HIP1: variants seen among roughly 807,000 people sequenced by gnomAD.
HIP1 encodes huntingtin interacting protein 1.
Under a neutral mutation model 147.6 loss-of-function variants are expected in HIP1, and 65 were observed. That is an observed-to-expected ratio of 0.44 (90% CI 0.36 to 0.54). The LOEUF (loss-of-function observed/expected upper bound fraction) is 0.54. Ranked by LOEUF, HIP1 falls within the 20% of genes least tolerant of loss-of-function variation. The pLI, the probability that HIP1 is intolerant of heterozygous loss-of-function variation, is 0.00. For missense variants in HIP1, 1,061 were observed against 1,299.6 expected, an observed-to-expected ratio of 0.82 and a Z score of 2.82; for synonymous variants, 479 against 504.0, an observed-to-expected ratio of 0.95 and a Z score of 0.67.
intron 1 of HIP1, among the ~76,000 whole-genome samples, chr7:75,644,153 A>G (rs1461049996): frequency 1.3e-5 from 2 of 152,174 alleles, no homozygotes; most frequent in African/African-American, 4.8e-5. Flanking sequence ...CCTTACCTGA[A>G]AAACAGGCTA....
chr7:75,730,054 G>A (rs1554522821), intron 1 of HIP1, among the ~76,000 whole-genome samples: 2 of 152,126 alleles, frequency 1.3e-5, no homozygotes, highest in Non-Finnish European at 2.9e-5. Flanking sequence ...CCATGGGGCC[G>A]CCCGAGGGGG....
chr7:75,637,536 ATTTTTTTTTTTT>A (rs869251770), intron 1 of HIP1, among the ~76,000 whole-genome samples: 2 of 70,868 alleles, frequency 2.8e-5, no homozygotes, highest in East Asian at 5.2e-4. Flanking sequence ...TGCAGAGAGG[ATTTTTTTTTTTT>A]TTTTTTTTTT....
At chr7:75,542,478 C>T (rs1794363958) in intron 28 of HIP1, among the ~76,000 whole-genome samples, 2 of 151,412 alleles carry the variant, frequency 1.3e-5, no homozygotes, top group Non-Finnish European at 2.9e-5. Flanking sequence ...GTGGGCAGAT[C>T]ACCTGAGGTG....
intron 7 of HIP1, among the ~76,000 whole-genome samples, chr7:75,574,259 C>G (rs1296127082): frequency 6.6e-6 from 1 of 150,900 alleles, no homozygotes; most frequent in African/African-American, 2.4e-5. Flanking sequence ...TGCTATTGCA[C>G]TCCAGCAACA....
rs782346773 is a variant in HIP1 at position 75,627,808 on chromosome 7, G to A, written c.121-28561C>T. Among the ~76,000 whole-genome samples the A allele has an allele frequency of 1.6e-3, 245 of 152,152 alleles. 6 individuals are homozygous for A. Among genetic ancestry groups the A allele is most frequent in the Non-Finnish European group, 4.3e-4 (29 of 68,032 alleles). On this transcript the variant is annotated intron_variant, in intron 1 of 30. Coordinates refer to ENST00000336926, the MANE Select transcript of HIP1 (RefSeq NM_005338.7). The stretch of plus-strand genomic sequence containing the variant: ...GTGCTCTGTAGACCCTCTGGCTGAC[G>A]GCTGGATCCACAGTTGAGTAGACCT...
In HIP1 at chr7:75,536,463, G is replaced by C. The variant is rs189627441; in HGVS notation, c.*1709C>G. 3.0e-5 allele frequency: 7 copies of C among 229,962 alleles called. No homozygotes were observed. The highest frequency in any genetic ancestry group is 1.1e-4 in the Admixed American group (2 of 17,638). The allele number at this position is 229,962 out of a possible 1,614,324, so 14.2% of individuals were successfully genotyped here. A position where few individuals can be genotyped will look rare whatever the true frequency, so the allele number is the denominator to read the frequency against. On this transcript the variant is annotated 3_prime_UTR_variant, in exon 31 of 31. Transcript: ENST00000336926. ...TTGGAGCAGATCCTGGGAAGTGCTT[G>C]ATGGCTACCACCAATGAGTTGCTAT... is the stretch of plus-strand genomic sequence containing the variant.
At chr7:75,729,178 A>C (rs1202968073) in intron 1 of HIP1, among the ~76,000 whole-genome samples, 1 of 140,004 alleles carries the variant, frequency 7.1e-6, no homozygotes, top group Admixed American at 7.2e-5. Flanking sequence ...AAAAAAAAAG[A>C]AGAAGCATTG....
intron 19 of HIP1, among the ~76,000 whole-genome samples, chr7:75,555,138 G>C (rs1280143227): frequency 1.5e-5 from 2 of 131,750 alleles, no homozygotes; most frequent in Admixed American, 9.4e-5. Flanking sequence ...AGTGAGCCAC[G>C]GCACTGCACT....
intron 9 of HIP1, among the ~76,000 whole-genome samples, chr7:75,565,459 C>G (rs149277937): frequency 2.0e-4 from 30 of 152,300 alleles, no homozygotes; most frequent in Admixed American, 3.3e-4. Context: ...AGCCATTTAT[C>G]ACAGAATATG....
intron 1 of HIP1, among the ~76,000 whole-genome samples, chr7:75,692,112 C>T (rs1748799679): frequency 6.6e-6 from 1 of 152,136 alleles, no homozygotes; most frequent in Admixed American, 6.6e-5. Flanking sequence ...TAATAAGCAG[C>T]CAGCAGTTTC....
chr7:75,571,030 A>G (rs1399531887), intron 8 of HIP1, among the ~76,000 whole-genome samples: 3 of 142,074 alleles, frequency 2.1e-5, no homozygotes. Context: ...ATAAATAAAT[A>G]AAGTAAATTA....
chr7:75,737,344 T>A (rs782630529), intron 1 of HIP1, among the ~76,000 whole-genome samples: 1 of 152,064 alleles, frequency 6.6e-6, no homozygotes. Flanking sequence ...TTTATTCTTT[T>A]TTATTATTAT....
intron 1 of HIP1, among the ~76,000 whole-genome samples, chr7:75,656,904 C>G (rs1189719014): frequency 6.6e-6 from 1 of 152,200 alleles, no homozygotes; most frequent in Non-Finnish European, 1.5e-5. Flanking sequence ...TACACATAGT[C>G]TGACCCCCTG....
intron 1 of HIP1, among the ~76,000 whole-genome samples, chr7:75,664,558 G>GTGTATATA (rs1311154102): frequency 3.3e-5 from 5 of 150,024 alleles, no homozygotes; most frequent in African/African-American, 1.2e-4. Flanking sequence ...ATATATGTAT[G>GTGTATATA]TGTATGTATA....
chr7:75,655,185 C>A (rs1799109404), intron 1 of HIP1, among the ~76,000 whole-genome samples: 1 of 152,200 alleles, frequency 6.6e-6, no homozygotes, highest in Non-Finnish European at 1.5e-5. Context: ...AAAATGTGGT[C>A]TATCCACACC....
At chr7:75,720,761 G>C (rs902492289) in intron 1 of HIP1, among the ~76,000 whole-genome samples, 18 of 151,944 alleles carry the variant, frequency 1.2e-4, no homozygotes, top group Non-Finnish European at 2.2e-4. Flanking sequence ...CATCTCAGCC[G>C]GGTGCGGTGG....
In HIP1 at chr7:75,538,169, G is replaced by T; in HGVS notation, c.*3C>A. On this transcript the variant is annotated 3_prime_UTR_variant, in exon 31 of 31. Transcript: ENST00000336926. Reference sequence around the variant, plus strand: ...CACTGACATATGGGGTGTTGGTTTGGCTCTATTCTTTTTCGGTTACCACTT... The same window carrying T: ...CACTGACATATGGGGTGTTGGTTTGTCTCTATTCTTTTTCGGTTACCACTT... The T allele has an allele frequency of 6.2e-7, 1 of 1,608,378 alleles. No homozygotes were observed. The highest frequency in any genetic ancestry group is 8.5e-7 in the Non-Finnish European group (1 of 1,175,014).
At position 75,535,872 on chromosome 7, in the gene HIP1, C is replaced by A. The variant is rs945325920; in HGVS notation, c.*2300G>T. On this transcript the variant is annotated 3_prime_UTR_variant, in exon 31 of 31. Transcript: ENST00000336926. ...GATTACGGGCACCCGTCACTACGCT[C>A]GGCTAATTTTTGGTATTTTTAGTAG... is the stretch of plus-strand genomic sequence containing the variant. 4 of 172,054 alleles carry A rather than the reference C, an allele frequency of 2.3e-5. No homozygotes were observed. Among genetic ancestry groups the A allele is most frequent in the Non-Finnish European group, 5.0e-5 (4 of 79,594 alleles). 10.7% of individuals were successfully genotyped at this position (172,054 alleles called of 1,614,324 possible). A position where few individuals can be genotyped will look rare whatever the true frequency, so the allele number is the denominator to read the frequency against.
chr7:75,691,387 A>G (rs1427511079), intron 1 of HIP1, among the ~76,000 whole-genome samples: 1 of 152,024 alleles, frequency 6.6e-6, no homozygotes, highest in Non-Finnish European at 1.5e-5. Context: ...GCTACTTGGG[A>G]GGCTGAGGCA....
Sources: gnomAD v4.1 joint callset for allele counts (sites outside exome capture counted in the v4.1 genomes callset) on GRCh38, gnomAD v4.1.1 for gene constraint, MANE v1.5 for transcripts, NCBI Gene and HGNC (gene_info 2026-07-23, HGNC 2026-07-21) for gene names.